ITGB8: variants seen among roughly 807,000 people sequenced by gnomAD.
The protein encoded by ITGB8 is integrin beta-8.
In ITGB8, 30 loss-of-function variants were observed where a neutral mutation model predicts 89.5. The ratio of observed to expected loss-of-function variants is 0.34; its 90% confidence interval spans 0.25 to 0.45. The LOEUF (loss-of-function observed/expected upper bound fraction) is 0.45. Ranked by LOEUF, ITGB8 falls within the 20% of genes least tolerant of loss-of-function variation. ITGB8 has a pLI of 1.00. For missense variants in ITGB8, 836 were observed against 933.3 expected, an observed-to-expected ratio of 0.90 and a Z score of 1.36; for synonymous variants, 335 against 320.4, an observed-to-expected ratio of 1.05 and a Z score of -0.49.
At chr7:20,368,535 T>C (rs950566028) in intron 3 of ITGB8, among the ~76,000 whole-genome samples, 6 of 152,194 alleles carry the variant, frequency 3.9e-5, no homozygotes, top group African/African-American at 1.4e-4. Context: ...CTCTCTTTTT[T>C]GTGTAATTTG....
Position 20,409,989 on chromosome 7 carries a change from A to T in ITGB8, c.2302A>T (p.Asn768Tyr). 6.2e-7 allele frequency: 1 copy of T among 1,606,952 alleles called. No homozygotes were observed. Among genetic ancestry groups the T allele is most frequent in the Non-Finnish European group, 8.5e-7 (1 of 1,178,062 alleles). Residue 768 changes from asparagine to tyrosine, a missense_variant, in exon 14 of 14, where the codon AAC becomes TAC. Around this residue, in one of 5 missense-constraint regions of ITGB8, gnomAD observed 422 missense variants for 416.9 expected, o/e 1.01. Coordinates refer to ENST00000222573, the MANE Select transcript of ITGB8 (RefSeq NM_002214.3). ...KLNAHETFRCNF is the reference protein window; with the variant it reads ...KLNAHETFRCYF ...AAATGCTCATGAAACTTTCAGGTGC[A>T]ACTTCTAAAAAAAGATTTTTAAACA...
intron 3 of ITGB8, among the ~76,000 whole-genome samples, chr7:20,369,613 A>G (rs1396318963): frequency 6.6e-6 from 1 of 152,168 alleles, no homozygotes. Context: ...GCTCCAACAT[A>G]TGAATTTTTC....
intron 1 of ITGB8, among the ~76,000 whole-genome samples, chr7:20,353,543 T>TA (rs1012190379): frequency 6.6e-6 from 1 of 152,192 alleles, no homozygotes; most frequent in South Asian, 2.1e-4. Context: ...ATGGCGGCAT[T>TA]AAAAAAAGAC....
intron 1 of ITGB8, among the ~76,000 whole-genome samples, chr7:20,332,470 T>C (rs1784438026): frequency 6.7e-6 from 1 of 148,582 alleles, no homozygotes; most frequent in African/African-American, 2.5e-5. Flanking sequence ...ATATTAATGC[T>C]TTAAGTCATC....
chr7:20,402,267 T>G, intron 10 of ITGB8, 141 bp downstream of exon 10: 2 of 684,184 alleles, frequency 2.9e-6, no homozygotes, highest in Non-Finnish European at 4.6e-6. Context: ...TCCATGAAAT[T>G]AGGGCATGGC....
In ITGB8 at chr7:20,388,649, T is replaced by TA. The variant is rs200777622; in HGVS notation, c.961-2753dup. On this transcript the variant is annotated intron_variant, in intron 6 of 13. Coordinates refer to ENST00000222573, the MANE Select transcript of ITGB8 (RefSeq NM_002214.3). ...GACTAATCTTTTTTTTTCTTTTTTT[T>TA]ATTATACTTTAAGTTCTGGGATACA... Among the ~76,000 whole-genome samples, 1,060 of 152,300 alleles carry TA rather than the reference T, an allele frequency of 7.0e-3. 23 individuals carry two copies. The highest frequency in any genetic ancestry group is 0.024 in the African/African-American group (1,001 of 41,548).
Position 20,331,586 on chromosome 7 carries a change from G to A in ITGB8, c.-221G>A. 4.2e-6 allele frequency: 2 copies of A among 476,152 alleles called. No individual in the cohort carries two copies. The highest frequency in any genetic ancestry group is 5.8e-5 in the South Asian group (1 of 17,318). The allele number at this position is 476,152 out of a possible 1,614,324, so 29.5% of individuals were successfully genotyped here. A position where few individuals can be genotyped will look rare whatever the true frequency, so the allele number is the denominator to read the frequency against. On this transcript the variant is annotated 5_prime_UTR_variant, in exon 1 of 14. Transcript: ENST00000222573. ...GCTTCTCGCGGAGACCGCGGGACCCGCCGTGCCGAGCCGGGAGGGCCGCAG... is the reference window on the plus strand; with the variant it reads ...GCTTCTCGCGGAGACCGCGGGACCCACCGTGCCGAGCCGGGAGGGCCGCAG...
At position 20,331,763 on chromosome 7, in the gene ITGB8, G is replaced by A. The variant is rs376792645; in HGVS notation, c.-44G>A. On this transcript the variant is annotated 5_prime_UTR_variant, in exon 1 of 14. Transcript: ENST00000222573. Reference sequence around the variant, plus strand: ...GCCCGGGAGGCGCGAGCCCGCGTCCGGAAGGCAGTCAGGCGGCGGGCGCGG... The same window carrying A: ...GCCCGGGAGGCGCGAGCCCGCGTCCAGAAGGCAGTCAGGCGGCGGGCGCGG... The A allele has an allele frequency of 2.8e-4, 445 of 1,588,602 alleles. No homozygotes were observed. Among genetic ancestry groups the A allele is most frequent in the Non-Finnish European group, 3.3e-4 (383 of 1,168,018 alleles).
At chr7:20,354,184 ATATTGAGTG>A (rs1785211690) in intron 1 of ITGB8, among the ~76,000 whole-genome samples, 1 of 152,202 alleles carries the variant, frequency 6.6e-6, no homozygotes, top group Non-Finnish European at 1.5e-5. Context: ...GTATTCTAGT[ATATTGAGTG>A]TATGTACAAG....
At chr7:20,383,272 A>T (rs984520498) in intron 6 of ITGB8, among the ~76,000 whole-genome samples, 1 of 152,230 alleles carries the variant, frequency 6.6e-6, no homozygotes, top group African/African-American at 2.4e-5. Flanking sequence ...ATCAAAATAT[A>T]AAGATTTTAA....
At position 20,411,879 on chromosome 7, in the gene ITGB8, A is replaced by C. The variant is rs962136535; in HGVS notation, c.*1882A>C. On this transcript the variant is annotated 3_prime_UTR_variant, in exon 14 of 14. Coordinates refer to ENST00000222573, the MANE Select transcript of ITGB8 (RefSeq NM_002214.3). ...TTGAGACCTTGATACACGGGCCATG[A>C]GCCCTGTCTTCCCCAATGGAAATTT... 2 of 152,390 alleles carry C rather than the reference A, an allele frequency of 1.3e-5. No individual in the cohort carries two copies. The highest frequency in any genetic ancestry group is 2.4e-5 in the African/African-American group (1 of 41,456). The allele number at this position is 152,390 out of a possible 1,614,324, so 9.4% of individuals were successfully genotyped here.
At chr7:20,407,340 G>A (rs568546176) in intron 12 of ITGB8, among the ~76,000 whole-genome samples, 72 of 149,482 alleles carry the variant, frequency 4.8e-4, no homozygotes, top group African/African-American at 1.8e-3. Context: ...ACTTAATAAA[G>A]CTGTTTAAAA....
At chr7:20,360,962 T>G (rs943520312) in intron 1 of ITGB8, among the ~76,000 whole-genome samples, 5 of 148,718 alleles carry the variant, frequency 3.4e-5, no homozygotes, top group Non-Finnish European at 1.5e-5. Flanking sequence ...TATTATTATA[T>G]ATAATCACTT....
intron 1 of ITGB8, among the ~76,000 whole-genome samples, chr7:20,343,994 C>G (rs1784844086): frequency 6.6e-6 from 1 of 152,150 alleles, no homozygotes; most frequent in African/African-American, 2.4e-5. Context: ...TTCACCATTA[C>G]TATTTAATCA....
Position 20,398,986 on chromosome 7 carries a change from A to C in ITGB8, c.1273A>C (p.Asn425His), listed in dbSNP as rs1787199637. The C allele has an allele frequency of 6.2e-7, 1 of 1,613,428 alleles. No individual in the cohort carries two copies. Among genetic ancestry groups the C allele is most frequent in the Admixed American group, 1.7e-5 (1 of 59,904 alleles). ...GGAAGGATGCAGAAACGTGACGAGC[A>C]ATGATGAAGTATGTGGGTGTGCATT... ...GMEGCRNVTS[N>H]DEVLFNVTVT... Residue 425 changes from asparagine (N) to histidine (H), a missense_variant, in exon 9 of 14, where the codon AAT becomes CAT. By Grantham distance (68) the Asn-to-His change is moderately conservative (BLOSUM62 1). Transcript: ENST00000222573.
At chr7:20,403,290 A>C (rs1192021578) in intron 10 of ITGB8, among the ~76,000 whole-genome samples, 2 of 152,254 alleles carry the variant, frequency 1.3e-5, no homozygotes, top group African/African-American at 4.8e-5. Flanking sequence ...ATTATTTTAC[A>C]GTGAAGAGAA....
At chr7:20,404,594 A>C in intron 10 of ITGB8, 34 bp from the exon 11 acceptor site, 1 of 1,572,394 alleles carries the variant, frequency 6.4e-7, no homozygotes, top group Non-Finnish European at 8.7e-7. Context: ...TCAGTGATCC[A>C]GATAACATAG....
chr7:20,350,755 C>G (rs1288205321), intron 1 of ITGB8, among the ~76,000 whole-genome samples: 6 of 152,212 alleles, frequency 3.9e-5, no homozygotes, highest in Non-Finnish European at 8.8e-5. Context: ...CCAGATTTGG[C>G]TTTCAAGACA....
intron 3 of ITGB8, among the ~76,000 whole-genome samples, chr7:20,377,748 G>T (rs149959235): frequency 6.6e-6 from 1 of 152,240 alleles, no homozygotes; most frequent in African/African-American, 2.4e-5. Flanking sequence ...ACACTAAAGG[G>T]GTTGCCTGCA....
Sources: gnomAD v4.1 joint callset for allele counts (sites outside exome capture counted in the v4.1 genomes callset) on GRCh38, gnomAD v4.1.1 for gene constraint, gnomAD v4.1.1 regional missense constraint, MANE v1.5 for transcripts, NCBI Gene and HGNC (gene_info 2026-07-23, HGNC 2026-07-21) for gene names.